The following PRKCB variants were observed in gnomAD, a reference collection of about 807,000 sequenced individuals.
The protein encoded by PRKCB is protein kinase C beta, also known as protein kinase C beta type.
In PRKCB, 13 loss-of-function variants were observed where a neutral mutation model predicts 81.5. The observed-to-expected ratio is 0.16, with a 90% CI of 0.10 to 0.25. The LOEUF (loss-of-function observed/expected upper bound fraction) is 0.25. Among genes scored for constraint, PRKCB ranks in the 10% least tolerant of loss-of-function variants. The pLI, the probability that PRKCB is intolerant of heterozygous loss-of-function variation, is 1.00. For missense variants in PRKCB, 509 were observed against 875.7 expected (o/e 0.58, Z 5.29); for synonymous variants, 335 against 321.4 (o/e 1.04, Z -0.45).
intron 2 of PRKCB, among the ~76,000 whole-genome samples, chr16:23,917,548 G>A (rs1963760011): frequency 6.6e-6 from 1 of 152,224 alleles, no homozygotes; most frequent in Non-Finnish European, 1.5e-5. Context: ...CGGAGATTAG[G>A]AGGGACTGCA....
At chr16:24,060,405 C>T (rs1275644720) in intron 5 of PRKCB, among the ~76,000 whole-genome samples, 1 of 152,176 alleles carries the variant, frequency 6.6e-6, no homozygotes, top group Non-Finnish European at 1.5e-5. Flanking sequence ...GCAAAGACGT[C>T]AGTGACCCTG....
chr16:24,118,023 C>T (rs1357839599), intron 8 of PRKCB, among the ~76,000 whole-genome samples: 1 of 152,236 alleles, frequency 6.6e-6, no homozygotes, highest in Non-Finnish European at 1.5e-5. Flanking sequence ...CAGGTGTTTG[C>T]TGTTAGCAGC....
chr16:23,937,627 A>G (rs549209486), intron 2 of PRKCB, among the ~76,000 whole-genome samples: 2 of 152,332 alleles, frequency 1.3e-5, no homozygotes, highest in South Asian at 4.1e-4. Context: ...TACCCTTCAC[A>G]GTCAACACCT....
intron 2 of PRKCB, among the ~76,000 whole-genome samples, chr16:23,985,937 A>G (rs1964797670): frequency 6.6e-6 from 1 of 152,206 alleles, no homozygotes; most frequent in African/African-American, 2.4e-5. Context: ...ACATATAATA[A>G]AGTTGGCATT....
chr16:23,918,667 G>T (rs899929935), intron 2 of PRKCB, among the ~76,000 whole-genome samples: 2 of 152,188 alleles, frequency 1.3e-5, no homozygotes, highest in South Asian at 2.1e-4. Flanking sequence ...AAAGTGCTGG[G>T]ATTACAGGCA....
intron 2 of PRKCB, among the ~76,000 whole-genome samples, chr16:23,921,507 T>C (rs1354067057): frequency 6.6e-6 from 1 of 152,058 alleles, no homozygotes; most frequent in Non-Finnish European, 1.5e-5. Context: ...TGAGGTGTGA[T>C]AAAGATGTGC....
intron 2 of PRKCB, among the ~76,000 whole-genome samples, chr16:23,908,037 G>T (rs1963588926): frequency 6.6e-6 from 1 of 152,136 alleles, no homozygotes; most frequent in Admixed American, 6.5e-5. Flanking sequence ...GAGATTTGGG[G>T]CAGCAGGTGG....
At position 23,928,480 on chromosome 16, in the gene PRKCB, G is replaced by A. The variant is rs374811320; in HGVS notation, c.206-60028G>A. ...TGCAAGGCACTCTGGTATGCATGCA[G>A]TCGGGGACCCTCTGATGAATGGAAC... On this transcript the variant is annotated intron_variant, in intron 2 of 16. Coordinates refer to ENST00000643927, the MANE Select transcript of PRKCB (RefSeq NM_002738.7). Among the ~76,000 whole-genome samples, 72 of 152,134 alleles carry A rather than the reference G, an allele frequency of 4.7e-4. 2 individuals carry two copies. Among genetic ancestry groups the A allele is most frequent in the Non-Finnish European group, 8.2e-4 (56 of 68,000 alleles).
intron 5 of PRKCB, among the ~76,000 whole-genome samples, chr16:24,084,623 G>A (rs1468876755): frequency 1.3e-5 from 2 of 152,000 alleles, no homozygotes; most frequent in African/African-American, 2.4e-5. Flanking sequence ...ATATTAACTT[G>A]TTAAGGAAAC....
chr16:23,909,984 T>A (rs945939957), intron 2 of PRKCB, among the ~76,000 whole-genome samples: 2 of 152,120 alleles, frequency 1.3e-5, no homozygotes, highest in Admixed American at 6.5e-5. Flanking sequence ...AACCAATTAA[T>A]CTGTAGAGGA....
intron 2 of PRKCB, among the ~76,000 whole-genome samples, chr16:23,888,542 C>A (rs980421225): frequency 6.6e-6 from 1 of 152,150 alleles, no homozygotes; most frequent in Non-Finnish European, 1.5e-5. Context: ...GTAACCATTT[C>A]TTTTTTAAGT....
At position 23,881,365 on chromosome 16, in the gene PRKCB, G is replaced by A. The variant is rs370325746; in HGVS notation, c.205+43959G>A. ...CCTCCCAGGTTCAAGCAATTCTCCC[G>A]CCTCAGCCTCCCAAGTAGTTGGGAT... On this transcript the variant is annotated intron_variant, in intron 2 of 16. Coordinates refer to ENST00000643927, the MANE Select transcript of PRKCB (RefSeq NM_002738.7). 4.7e-5 allele frequency among the ~76,000 whole-genome samples: 7 copies of A among 148,958 alleles called. No individual in the cohort carries two copies. In the South Asian group the frequency reaches 1.1e-3, roughly 23 times the overall value.
chr16:24,021,102 T>A (rs1965376838), intron 3 of PRKCB, among the ~76,000 whole-genome samples: 1 of 140,590 alleles, frequency 7.1e-6, no homozygotes, highest in Admixed American at 7.0e-5. Flanking sequence ...TTTCTTTCTT[T>A]CTTTCCTTCT....
At position 23,964,985 on chromosome 16, in the gene PRKCB, A is replaced by G. The variant is rs144661219; in HGVS notation, c.206-23523A>G. Among the ~76,000 whole-genome samples the G allele has an allele frequency of 4.3e-3, 660 of 152,212 alleles. 4 individuals carry two copies. The highest frequency in any genetic ancestry group is 0.015 in the African/African-American group (633 of 41,536). ...ATGCCTGGTCTCATGAGTCTTGTTCATCACTTACCTCCTTTTGTTCTTCCA... is the reference window on the plus strand; with the variant it reads ...ATGCCTGGTCTCATGAGTCTTGTTCGTCACTTACCTCCTTTTGTTCTTCCA... On this transcript the variant is annotated intron_variant, in intron 2 of 16. Coordinates refer to ENST00000643927, the MANE Select transcript of PRKCB (RefSeq NM_002738.7).
chr16:24,192,131 A>G (rs1265747235), intron 16 of PRKCB, among the ~76,000 whole-genome samples: 1 of 152,210 alleles, frequency 6.6e-6, no homozygotes, highest in African/African-American at 2.4e-5. Flanking sequence ...TAATAATGGT[A>G]GTTATTTTGA....
intron 2 of PRKCB, among the ~76,000 whole-genome samples, chr16:23,961,292 A>C (rs1964423010): frequency 6.6e-6 from 1 of 152,146 alleles, no homozygotes; most frequent in Non-Finnish European, 1.5e-5. Flanking sequence ...ATCTGACTCA[A>C]ATTGGTTTAT....
At chr16:24,073,366 C>T (rs1456633175) in intron 5 of PRKCB, among the ~76,000 whole-genome samples, 1 of 152,164 alleles carries the variant, frequency 6.6e-6, no homozygotes, top group East Asian at 1.9e-4. Context: ...GGATCTTGCT[C>T]TGTCTCCCAG....
rs114686693 is a variant in PRKCB, at chr16:24,083,807, A to G, written c.530-8984A>G. Among the ~76,000 whole-genome samples, 555 of 152,308 alleles carry G rather than the reference A, an allele frequency of 3.6e-3. 1 individual carries two copies. Among genetic ancestry groups the G allele is most frequent in the African/African-American group, 0.013 (539 of 41,568 alleles). On this transcript the variant is annotated intron_variant, in intron 5 of 16. Coordinates refer to ENST00000643927, the MANE Select transcript of PRKCB (RefSeq NM_002738.7). The stretch of plus-strand genomic sequence containing the variant: ...ATTAAAATGTATAAATTTTTTCACA[A>G]AACTGTGCACCAAAAAGTCAATTTT...
intron 9 of PRKCB, among the ~76,000 whole-genome samples, chr16:24,152,482 G>T (rs1967095193): frequency 6.6e-6 from 1 of 152,054 alleles, no homozygotes; most frequent in African/African-American, 2.4e-5. Flanking sequence ...CTTCTTACTG[G>T]GCTCTGGAGT....
Sources: gnomAD v4.1 joint callset for allele counts (sites outside exome capture counted in the v4.1 genomes callset) on GRCh38, gnomAD v4.1.1 for gene constraint, MANE v1.5 for transcripts, NCBI Gene and HGNC (gene_info 2026-07-23, HGNC 2026-07-21) for gene names.